HDAC9: variants seen among roughly 807,000 people sequenced by gnomAD.
The protein encoded by HDAC9 is MEF-2 interacting transcription repressor (MITR) protein.
A neutral mutation model predicts 139.4 loss-of-function variants in HDAC9; 41 were observed. That is an observed-to-expected ratio of 0.29 (90% CI 0.23 to 0.38). The LOEUF is 0.38. HDAC9 is among the 10% of genes least tolerant of loss of function. HDAC9 has a pLI of 1.00. For synonymous variants in HDAC9, 517 were observed against 476.2 expected (o/e 1.09, Z -1.12); for missense variants, 1,147 against 1,297.0 (o/e 0.88, Z 1.78).
intron 2 of HDAC9, among the ~76,000 whole-genome samples, chr7:18,553,902 T>C (rs144349329): frequency 1.0e-3 from 159 of 152,276 alleles, no homozygotes; most frequent in African/African-American, 3.6e-3. Context: ...GCCGTCTTTA[T>C]CCTCAAGGGA....
chr7:18,305,871 AG>A (rs1798873297), intron 1 of HDAC9, among the ~76,000 whole-genome samples: 1 of 152,028 alleles, frequency 6.6e-6, no homozygotes, highest in Non-Finnish European at 1.5e-5. Context: ...GGTGAAGGGA[AG>A]TACTTCCCAG....
intron 2 of HDAC9, among the ~76,000 whole-genome samples, chr7:18,258,280 A>G (rs10236170): frequency 0.017 from 2,544 of 152,346 alleles, 75 homozygotes; most frequent in African/African-American, 0.058. Flanking sequence ...GCACTGGGTT[A>G]AATGAGAGAT....
At chr7:18,860,802 G>A (rs1237130129) in intron 21 of HDAC9, among the ~76,000 whole-genome samples, 1 of 152,162 alleles carries the variant, frequency 6.6e-6, no homozygotes, top group Non-Finnish European at 1.5e-5. Context: ...AAGGAAGGGT[G>A]TATTTTATTG....
chr7:18,489,569 G>A (rs1366180285), intron 1 of HDAC9, among the ~76,000 whole-genome samples: 1 of 151,962 alleles, frequency 6.6e-6, no homozygotes, highest in Non-Finnish European at 1.5e-5. Context: ...TTATCAAACT[G>A]TATAGTAATC....
intron 25 of HDAC9, among the ~76,000 whole-genome samples, chr7:18,994,915 C>A (rs1344510333): frequency 6.6e-6 from 1 of 152,166 alleles, no homozygotes; most frequent in Non-Finnish European, 1.5e-5. Context: ...AACCACCCCT[C>A]TATTATTCCG....
chr7:18,098,360 T>C (rs1022469381), intron 1 of HDAC9, among the ~76,000 whole-genome samples: 14 of 152,258 alleles, frequency 9.2e-5, no homozygotes, highest in Admixed American at 2.6e-4. Context: ...TATGTAATGG[T>C]TATAGAGGCT....
intron 12 of HDAC9, among the ~76,000 whole-genome samples, chr7:18,678,433 CTCTT>C (rs1554326121): frequency 6.6e-6 from 1 of 151,668 alleles, no homozygotes; most frequent in Non-Finnish European, 1.5e-5. Flanking sequence ...TATTTTCTCT[CTCTT>C]TCTTTTGGGA....
chr7:18,172,542 T>C (rs1788534586), intron 2 of HDAC9, among the ~76,000 whole-genome samples: 1 of 152,254 alleles, frequency 6.6e-6, no homozygotes, highest in African/African-American at 2.4e-5. Context: ...ACTGTGATGT[T>C]ACGGTGTTGA....
intron 1 of HDAC9, among the ~76,000 whole-genome samples, chr7:18,333,138 G>C (rs1464164826): frequency 6.6e-6 from 1 of 151,408 alleles, no homozygotes; most frequent in African/African-American, 2.4e-5. Context: ...AATAAACAAC[G>C]ATTTGGAAGG....
At chr7:18,951,143 C>T (rs753714222) in intron 23 of HDAC9, among the ~76,000 whole-genome samples, 11 of 151,828 alleles carry the variant, frequency 7.2e-5, no homozygotes, top group South Asian at 2.1e-4. Flanking sequence ...TGATTTTTGA[C>T]GATTTAAATG....
chr7:18,611,518 C>T (rs1837138376), intron 6 of HDAC9, among the ~76,000 whole-genome samples: 1 of 152,042 alleles, frequency 6.6e-6, no homozygotes, highest in African/African-American at 2.4e-5. Context: ...AGAACCGTCA[C>T]AGAGAGGTTT....
chr7:18,404,226 C>A (rs1046607286), intron 1 of HDAC9, among the ~76,000 whole-genome samples: 1 of 152,014 alleles, frequency 6.6e-6, no homozygotes, highest in Non-Finnish European at 1.5e-5. Flanking sequence ...TCTAGTTAGT[C>A]CACCAAAAGG....
intron 2 of HDAC9, among the ~76,000 whole-genome samples, chr7:18,574,459 A>T (rs946867248): frequency 6.6e-6 from 1 of 152,238 alleles, no homozygotes; most frequent in Non-Finnish European, 1.5e-5. Flanking sequence ...ATAAAGCACC[A>T]TAAGTTCTCA....
At chr7:18,920,772 T>C (rs572732976) in intron 22 of HDAC9, among the ~76,000 whole-genome samples, 34 of 152,262 alleles carry the variant, frequency 2.2e-4, no homozygotes, top group Admixed American at 1.4e-3. Flanking sequence ...TTGTCTTTGG[T>C]TCTGTTTATA....
intron 2 of HDAC9, among the ~76,000 whole-genome samples, chr7:18,553,743 G>T (rs529105224): frequency 6.6e-6 from 1 of 152,296 alleles, no homozygotes; most frequent in Admixed American, 6.5e-5. Flanking sequence ...GAAATTATGA[G>T]ATAGGTGGCT....
chr7:18,316,868 C>A (rs889746260), intron 1 of HDAC9, among the ~76,000 whole-genome samples: 3 of 150,898 alleles, frequency 2.0e-5, no homozygotes, highest in Non-Finnish European at 4.4e-5. Flanking sequence ...CCGAGGCAGG[C>A]AGATCACGAG....
intron 25 of HDAC9, among the ~76,000 whole-genome samples, chr7:18,977,919 G>GACACACACACACAC (rs147049392): frequency 2.6e-4 from 37 of 141,036 alleles, no homozygotes; most frequent in Admixed American, 3.6e-4. Context: ...CAGACAGACA[G>GACACACACACACAC]ACACACACAC....
chr7:18,099,393 T>A (rs1174438216), intron 1 of HDAC9, among the ~76,000 whole-genome samples: 1 of 151,910 alleles, frequency 6.6e-6, no homozygotes, highest in Non-Finnish European at 1.5e-5. Context: ...GTTTGGACCC[T>A]GGAGGTGGAG....
intron 2 of HDAC9, among the ~76,000 whole-genome samples, chr7:18,250,373 CAA>C (rs1396239014): frequency 6.6e-6 from 1 of 152,128 alleles, no homozygotes; most frequent in African/African-American, 2.4e-5. Context: ...CTCAGTAAGA[CAA>C]AAAGAGAATG....
Sources: gnomAD v4.1 joint callset for allele counts (sites outside exome capture counted in the v4.1 genomes callset) on GRCh38, gnomAD v4.1.1 for gene constraint, MANE v1.5 for transcripts, NCBI Gene and HGNC (gene_info 2026-07-23, HGNC 2026-07-21) for gene names.